The following POU2F1 variants were observed in gnomAD, a reference collection of about 807,000 sequenced individuals.
The protein encoded by POU2F1 is POU domain, class 2, transcription factor 1.
In POU2F1, 16 loss-of-function variants were observed where a neutral mutation model predicts 84.9. The observed-to-expected ratio is 0.19, with a 90% CI of 0.13 to 0.29. The LOEUF is 0.29. POU2F1 is among the 10% of genes least tolerant of loss of function. The pLI is 1.00. For synonymous variants in POU2F1, 368 were observed against 368.3 expected, an observed-to-expected ratio of 1.00 and a Z score of 0.01; for missense variants, 738 against 942.6, an observed-to-expected ratio of 0.78 and a Z score of 2.84.
At chr1:167,240,956 A>G (rs540557501) in intron 1 of POU2F1, among the ~76,000 whole-genome samples, 2 of 152,230 alleles carry the variant, frequency 1.3e-5, no homozygotes. Flanking sequence ...TAGCCTGACC[A>G]ACATGGAGAG....
chr1:167,265,475 G>A (rs1298782571), intron 1 of POU2F1, among the ~76,000 whole-genome samples: 1 of 152,194 alleles, frequency 6.6e-6, no homozygotes, highest in Non-Finnish European at 1.5e-5. Flanking sequence ...CTAAAACCAA[G>A]CAATGTAGAT....
chr1:167,240,129 G>T (rs1481358836), intron 1 of POU2F1, among the ~76,000 whole-genome samples: 1 of 152,112 alleles, frequency 6.6e-6, no homozygotes, highest in Non-Finnish European at 1.5e-5. Flanking sequence ...AAAAGTATTA[G>T]CCTGTATGGA....
chr1:167,399,002 G>A (rs1649008080), intron 11 of POU2F1, among the ~76,000 whole-genome samples, 184 bp from the exon 12 acceptor site: 1 of 152,154 alleles, frequency 6.6e-6, no homozygotes, highest in Non-Finnish European at 1.5e-5. Context: ...AAGTTAATAT[G>A]AATAAGTTTA....
chr1:167,276,577 T>C (rs16858855), intron 1 of POU2F1, among the ~76,000 whole-genome samples: 2 of 152,146 alleles, frequency 1.3e-5, no homozygotes, highest in African/African-American at 4.8e-5. Context: ...AAGAGTTTGA[T>C]TTTTTAGGAC....
Position 167,415,992 on chromosome 1 carries a change from AG to A in POU2F1, c.*183del. On this transcript the variant is annotated 3_prime_UTR_variant, in exon 16 of 16. Coordinates refer to ENST00000367866, the MANE Select transcript of POU2F1 (RefSeq NM_002697.4). ...CCATACACACATACCAGAAAAAGAA[AG>A]AAAGGATGGAGACGGAACATTTGCC... 1 of 715,854 alleles carries A rather than the reference AG, an allele frequency of 1.4e-6. No homozygotes were observed. Among genetic ancestry groups the A allele is most frequent in the Non-Finnish European group, 2.4e-6 (1 of 419,750 alleles). 44.3% of individuals were successfully genotyped at this position (715,854 alleles called of 1,614,324 possible). A position where few individuals can be genotyped will look rare whatever the true frequency, so the allele number is the denominator to read the frequency against.
At chr1:167,368,961 T>A (rs1659850307) in intron 3 of POU2F1, among the ~76,000 whole-genome samples, 2 of 152,202 alleles carry the variant, frequency 1.3e-5, no homozygotes, top group Non-Finnish European at 2.9e-5. Context: ...GAATAATGCA[T>A]GACTCTCTTT....
At position 167,418,989 on chromosome 1, in the gene POU2F1, G is replaced by A. The variant is rs569912107; in HGVS notation, c.*3179G>A. On this transcript the variant is annotated 3_prime_UTR_variant, in exon 16 of 16. Transcript: ENST00000367866. ...AAGGTACATTTACACATGTACACAC[G>A]AAACACTAATATAGCTTTTTGGTGG... The A allele has an allele frequency of 4.6e-5, 7 of 152,118 alleles. No homozygotes were observed. In the East Asian group the frequency reaches 5.8e-4, roughly 13 times the overall value. 9.4% of individuals were successfully genotyped at this position (152,118 alleles called of 1,614,324 possible).
chr1:167,416,613 T>C lies in POU2F1; in HGVS notation c.*803T>C, dbSNP rs1477225213. 6.5e-6 allele frequency: 1 copy of C among 153,190 alleles called. No individual in the cohort carries two copies. Among genetic ancestry groups the C allele is most frequent in the Non-Finnish European group, 1.5e-5 (1 of 68,846 alleles). 9.5% of individuals were successfully genotyped at this position (153,190 alleles called of 1,614,324 possible). A position where few individuals can be genotyped will look rare whatever the true frequency, so the allele number is the denominator to read the frequency against. On this transcript the variant is annotated 3_prime_UTR_variant, in exon 16 of 16. Transcript: ENST00000367866. ...TCTTTTGCCACTTATGCAAGAGGCT[T>C]GGTGCAGAAGCTGAAGGCAGTGTGT...
At chr1:167,227,370 TTC>T (rs1648718208) in intron 1 of POU2F1, among the ~76,000 whole-genome samples, 1 of 152,184 alleles carries the variant, frequency 6.6e-6, no homozygotes, top group Non-Finnish European at 1.5e-5. Context: ...CTGTTGAACT[TTC>T]TCTTTGCAAT....
In POU2F1 at chr1:167,416,743, C is replaced by T. The variant is rs1650341343; in HGVS notation, c.*933C>T. 6.6e-6 allele frequency: 1 copy of T among 152,410 alleles called. No homozygotes were observed. The highest frequency in any genetic ancestry group is 1.5e-5 in the Non-Finnish European group (1 of 68,208). The allele number at this position is 152,410 out of a possible 1,614,324, so 9.4% of individuals were successfully genotyped here. ...AATTCCTGCTGAACTGTAGCTCTCA[C>T]TCACCCCCAAATCATTGAATGACCC... On this transcript the variant is annotated 3_prime_UTR_variant, in exon 16 of 16. Coordinates refer to ENST00000367866, the MANE Select transcript of POU2F1 (RefSeq NM_002697.4).
chr1:167,417,612 C>G lies in POU2F1; in HGVS notation c.*1802C>G, dbSNP rs2101958280. ...CCCTTCTTATTGGAGTTAAAGGTTC[C>G]CATTTGGTGGCTGTGGGTGCTTGCT... On this transcript the variant is annotated 3_prime_UTR_variant, in exon 16 of 16. Coordinates refer to ENST00000367866, the MANE Select transcript of POU2F1 (RefSeq NM_002697.4). 6.6e-6 allele frequency: 1 copy of G among 152,238 alleles called. No individual in the cohort carries two copies. Among genetic ancestry groups the G allele is most frequent in the South Asian group, 2.1e-4 (1 of 4,822 alleles). The allele number at this position is 152,238 out of a possible 1,614,324, so 9.4% of individuals were successfully genotyped here. A position where few individuals can be genotyped will look rare whatever the true frequency, so the allele number is the denominator to read the frequency against.
At chr1:167,414,642 ATCATAGAAAATT>A in intron 15 of POU2F1, 18 of 985,402 alleles carry the variant, frequency 1.8e-5, no homozygotes, top group Non-Finnish European at 2.2e-5. Context: ...AAGCAACAGC[ATCATAGAAAATT>A]TCTCACCCAT....
chr1:167,285,012 T>C (rs1475613462), intron 1 of POU2F1, among the ~76,000 whole-genome samples: 1 of 152,250 alleles, frequency 6.6e-6, no homozygotes, highest in African/African-American at 2.4e-5. Context: ...CTTTGTTTAC[T>C]TAAATGTGGA....
chr1:167,238,933 G>C (rs1191348772), intron 1 of POU2F1, among the ~76,000 whole-genome samples: 1 of 152,192 alleles, frequency 6.6e-6, no homozygotes, highest in African/African-American at 2.4e-5. Flanking sequence ...GCCCTAAACA[G>C]TGCAGGGCAC....
intron 3 of POU2F1, among the ~76,000 whole-genome samples, chr1:167,368,872 T>G (rs1336227113): frequency 1.3e-5 from 2 of 152,184 alleles, no homozygotes; most frequent in Admixed American, 6.5e-5. Context: ...CTATCTGGTG[T>G]ATACAAAATG....
chr1:167,294,085 C>T (rs1654113585), intron 1 of POU2F1, among the ~76,000 whole-genome samples: 1 of 149,320 alleles, frequency 6.7e-6, no homozygotes, highest in South Asian at 2.1e-4. Flanking sequence ...GTAATCCCAG[C>T]ACTTTGGGAG....
chr1:167,231,063 A>G (rs977848689), intron 1 of POU2F1, among the ~76,000 whole-genome samples: 1 of 152,236 alleles, frequency 6.6e-6, no homozygotes, highest in Non-Finnish European at 1.5e-5. Context: ...AATGCACCAG[A>G]AAGGCCCTAT....
At position 167,416,087 on chromosome 1, in the gene POU2F1, T is replaced by TAAAAAAAAAAAAAAAAAAAAACAAAAA; in HGVS notation, c.*296_*297insAACAAAAAAAAAAAAAAAAAAAAAAAA. 1 of 351,044 alleles carries TAAAAAAAAAAAAAAAAAAAAACAAAAA rather than the reference T, an allele frequency of 2.8e-6. No individual in the cohort carries two copies. The highest frequency in any genetic ancestry group is 5.2e-6 in the Non-Finnish European group (1 of 192,874). 21.7% of individuals were successfully genotyped at this position (351,044 alleles called of 1,614,324 possible). A position where few individuals can be genotyped will look rare whatever the true frequency, so the allele number is the denominator to read the frequency against. On this transcript the variant is annotated 3_prime_UTR_variant, in exon 16 of 16. Transcript: ENST00000367866. ...ATTGGAGAACTTTCTAACCAAAAAT[T>TAAAAAAAAAAAAAAAAAAAAACAAAAA]AAAAAAAAAAAAAAAAAAAGAAACA...
rs867563497 is a variant in POU2F1, at chr1:167,356,063, C to T, written c.128-9404C>T. Among the ~76,000 whole-genome samples the T allele has an allele frequency of 1.4e-4, 21 of 152,050 alleles. 1 individual carries two copies. The highest frequency in any genetic ancestry group is 6.8e-3 in the Middle Eastern group (2 of 294). On this transcript the variant is annotated intron_variant, in intron 2 of 15. Transcript: ENST00000367866. ...CCCTCAGATCAGGTGATCCTCCCAC[C>T]TCAGCCTCCTAAGTATGTTACTTAG... is the stretch of plus-strand genomic sequence containing the variant.
Sources: allele counts gnomAD v4.1 joint callset (sites outside exome capture counted in the v4.1 genomes callset), GRCh38; gene constraint gnomAD v4.1.1; transcripts MANE v1.5; gene names NCBI Gene and HGNC (gene_info 2026-07-23, HGNC 2026-07-21).